CUL5: variants seen among roughly 807,000 people sequenced by gnomAD.
The protein encoded by CUL5 is cullin-5.
A neutral mutation model predicts 108.8 loss-of-function variants in CUL5; 26 were observed. That is an observed-to-expected ratio of 0.24 (90% CI 0.18 to 0.33). The LOEUF is 0.33. Ranked by LOEUF, CUL5 falls within the 10% of genes least tolerant of loss-of-function variation. CUL5 has a pLI of 1.00. For synonymous variants in CUL5, 334 were observed against 298.0 expected (o/e 1.12, Z -1.25); for missense variants, 524 against 909.2 (o/e 0.58, Z 5.45).
chr11:108,060,372 A>G (rs1476875693), intron 7 of CUL5, among the ~76,000 whole-genome samples: 1 of 152,254 alleles, frequency 6.6e-6, no homozygotes, highest in African/African-American at 2.4e-5. Context: ...GAGTAGAATC[A>G]TAAAGTGGGG....
At chr11:108,033,753 A>G in intron 1 of CUL5, 49 bp from the exon 2 acceptor site, 2 of 1,178,338 alleles carry the variant, frequency 1.7e-6, no homozygotes, top group Non-Finnish European at 2.5e-6. Context: ...GATACTTTTT[A>G]TTTAACTGCA....
chr11:108,022,906 T>G (rs1028202959), intron 1 of CUL5, among the ~76,000 whole-genome samples: 2 of 152,194 alleles, frequency 1.3e-5, no homozygotes, highest in Admixed American at 6.5e-5. Flanking sequence ...GACTTTTTAG[T>G]TCTTTACATA....
intron 7 of CUL5, among the ~76,000 whole-genome samples, chr11:108,066,993 A>G (rs1183690800): frequency 6.6e-6 from 1 of 152,238 alleles, no homozygotes; most frequent in African/African-American, 2.4e-5. Flanking sequence ...TGTAGCCATC[A>G]CTAAGTATGT....
intron 7 of CUL5, among the ~76,000 whole-genome samples, chr11:108,064,061 T>A (rs1002464556): frequency 2.0e-5 from 3 of 152,230 alleles, no homozygotes; most frequent in African/African-American, 7.2e-5. Context: ...TCCAGTATTA[T>A]TTTGAATAAA....
chr11:108,052,182 GCTGGTCTCAAACTC>G (rs1451813537), intron 4 of CUL5, among the ~76,000 whole-genome samples: 4 of 152,030 alleles, frequency 2.6e-5, no homozygotes, highest in African/African-American at 9.7e-5. Flanking sequence ...TGTTGCCGAG[GCTGGTCTCAAACTC>G]CTGGCCTCAA....
intron 2 of CUL5, among the ~76,000 whole-genome samples, chr11:108,035,892 G>A (rs1862729118): frequency 6.6e-6 from 1 of 152,152 alleles, no homozygotes; most frequent in East Asian, 1.9e-4. Context: ...AGGTAATTGA[G>A]ATCTGTGATT....
intron 7 of CUL5, 100 bp from the exon 8 acceptor site, chr11:108,069,996 A>ATTT: frequency 8.3e-6 from 5 of 599,738 alleles, no homozygotes; most frequent in South Asian, 2.9e-5. Flanking sequence ...TTTCAGTATA[A>ATTT]TTTTTTTTTT....
intron 15 of CUL5, 72 bp from the exon 16 acceptor site, chr11:108,095,458 A>T (rs1864468021): frequency 9.3e-7 from 1 of 1,072,070 alleles, no homozygotes; most frequent in Non-Finnish European, 1.3e-6. Context: ...TTCATATATA[A>T]ATTCATGTCA....
intron 1 of CUL5, among the ~76,000 whole-genome samples, chr11:108,019,524 A>C (rs937349018): frequency 4.6e-5 from 7 of 152,198 alleles, no homozygotes; most frequent in African/African-American, 1.7e-4. Flanking sequence ...TGGTGGTCTT[A>C]TAGGATTATA....
rs1390917864 is a variant in CUL5 at position 108,102,728 on chromosome 11, T to A, written c.2149-1462T>A. ...TTGATTTGCAGCAAAATTATATTTT[T>A]AAACGTTAAAAGCAAATGTTACTTC... is the stretch of plus-strand genomic sequence containing the variant. On this transcript the variant is annotated intron_variant, in intron 18 of 18. Coordinates refer to ENST00000393094, the MANE Select transcript of CUL5 (RefSeq NM_003478.6). Among the ~76,000 whole-genome samples the A allele has an allele frequency of 3.3e-5, 5 of 152,230 alleles. No homozygotes were observed. In the East Asian group the frequency reaches 9.6e-4, roughly 29 times the overall value.
chr11:108,082,601 C>T (rs1420182007), intron 11 of CUL5, among the ~76,000 whole-genome samples: 3 of 151,290 alleles, frequency 2.0e-5, no homozygotes, highest in African/African-American at 7.3e-5. Flanking sequence ...TAATTTTCTT[C>T]TGGATTGTTC....
In CUL5 at chr11:108,017,846, CA is replaced by C. The variant is rs113605419; in HGVS notation, c.24+8485del. 5.8e-3 allele frequency among the ~76,000 whole-genome samples: 828 copies of C among 142,462 alleles called. 8 individuals carry two copies. Among genetic ancestry groups the C allele is most frequent in the African/African-American group, 0.018 (706 of 39,086 alleles). The allele number at this position is 142,462 out of a possible 152,430, so 93.5% of individuals were successfully genotyped here. The stretch of plus-strand genomic sequence containing the variant: ...TGGACGACAGAGTGAGACCCTGTCT[CA>C]AAAAAAAAAAGTGTTCGGAAGGTGG... On this transcript the variant is annotated intron_variant, in intron 1 of 18. Coordinates refer to ENST00000393094, the MANE Select transcript of CUL5 (RefSeq NM_003478.6).
At chr11:108,041,764 G>T (rs56214765) in intron 2 of CUL5, among the ~76,000 whole-genome samples, 2 of 151,652 alleles carry the variant, frequency 1.3e-5, no homozygotes, top group Admixed American at 6.6e-5. Context: ...CTAATTTTTC[G>T]TATTTTTAGT....
chr11:108,032,932 T>G (rs1405038470), intron 1 of CUL5, among the ~76,000 whole-genome samples: 1 of 152,176 alleles, frequency 6.6e-6, no homozygotes. Context: ...AACTACAAAA[T>G]TAGATGATAC....
At chr11:108,092,100 G>A (rs978681211) in intron 13 of CUL5, among the ~76,000 whole-genome samples, 2 of 152,126 alleles carry the variant, frequency 1.3e-5, no homozygotes, top group Non-Finnish European at 2.9e-5. Context: ...TTGTGCCACT[G>A]CACTGCAGCC....
intron 3 of CUL5, among the ~76,000 whole-genome samples, chr11:108,048,717 A>G (rs913623815): frequency 1.5e-5 from 2 of 134,476 alleles, no homozygotes; most frequent in East Asian, 4.1e-4. Context: ...CCCAGGCTGC[A>G]GTGCAGTAGC....
intron 8 of CUL5, among the ~76,000 whole-genome samples, chr11:108,071,820 C>G (rs1389622475): frequency 1.3e-5 from 2 of 152,138 alleles, no homozygotes. Flanking sequence ...TCCCAAAGTG[C>G]TGGAGTTACA....
intron 3 of CUL5, 74 bp from the exon 4 acceptor site, chr11:108,049,816 T>G: frequency 1.7e-6 from 2 of 1,155,704 alleles, no homozygotes; most frequent in Non-Finnish European, 2.5e-6. Flanking sequence ...ACAATTTAAA[T>G]TTTGGCATGA....
intron 13 of CUL5, among the ~76,000 whole-genome samples, 184 bp from the exon 14 acceptor site, chr11:108,094,207 C>A (rs560518708): frequency 6.6e-6 from 1 of 152,038 alleles, no homozygotes; most frequent in African/African-American, 2.4e-5. Context: ...AGCAGGGACC[C>A]CTTGTAATAC....
Sources: allele counts gnomAD v4.1 joint callset (sites outside exome capture counted in the v4.1 genomes callset), GRCh38; gene constraint gnomAD v4.1.1; transcripts MANE v1.5; gene names NCBI Gene and HGNC (gene_info 2026-07-23, HGNC 2026-07-21).